BTAF1: variants seen among roughly 807,000 people sequenced by gnomAD.
BTAF1 encodes B-TFIID TATA-box binding protein associated factor 1.
Under a neutral mutation model 227.1 loss-of-function variants are expected in BTAF1, and 38 were observed. That is an observed-to-expected ratio of 0.17 (90% confidence interval 0.13 to 0.22). The LOEUF (loss-of-function observed/expected upper bound fraction) is 0.22, where lower values mean the gene tolerates loss of function less well. Among genes scored for constraint, BTAF1 ranks in the 10% least tolerant of loss-of-function variants. The pLI is 1.00. For missense variants in BTAF1, 1,598 were observed against 2,204.0 expected, an observed-to-expected ratio of 0.73 and a Z score of 5.51; for synonymous variants, 742 against 751.9, an observed-to-expected ratio of 0.99 and a Z score of 0.21.
At chr10:91,924,375 C>T (rs1843685372) in intron 1 of BTAF1, among the ~76,000 whole-genome samples, 1 of 152,156 alleles carries the variant, frequency 6.6e-6, no homozygotes, top group Non-Finnish European at 1.5e-5. Context: ...TTTCTCTTCC[C>T]TCTTTCGATT....
intron 25 of BTAF1, among the ~76,000 whole-genome samples, chr10:92,004,922 C>T (rs1261797127): frequency 6.6e-6 from 1 of 152,124 alleles, no homozygotes; most frequent in African/African-American, 2.4e-5. Context: ...GAGTTTTGAA[C>T]TTGGTGTAAG....
Position 91,981,656 on chromosome 10 carries a change from T to G in BTAF1, c.1769T>G (p.Leu590Arg). Residue 590 changes from leucine (L) to arginine (R), a missense_variant, in exon 16 of 38, where the codon CTG becomes CGG. This residue lies in a region of BTAF1 where 318 missense variants were observed against 435.0 expected (regional missense o/e 0.73). Transcript: ENST00000265990. The stretch of plus-strand genomic sequence containing the variant: ...TTTACCCTGCAGGTTTGGATGGAAC[T>G]GTTGAGTAAGGCTTCAGTTCAGTAT... ...LDLIHKVWMELLSKASVQYVV... is the reference protein window; with the variant it reads ...LDLIHKVWMERLSKASVQYVV... The G allele has an allele frequency of 6.2e-7, 1 of 1,608,852 alleles. No homozygotes were observed.
At chr10:91,961,368 T>C (rs888683020) in intron 11 of BTAF1, among the ~76,000 whole-genome samples, 1 of 152,334 alleles carries the variant, frequency 6.6e-6, no homozygotes, top group Non-Finnish European at 1.5e-5. Context: ...TCTCTTCCCA[T>C]GCTCACTGTA....
In BTAF1 at chr10:91,931,687, G is replaced by A. The variant is rs552269876; in HGVS notation, c.15-3970G>A. 1.1e-4 allele frequency among the ~76,000 whole-genome samples: 16 copies of A among 152,212 alleles called. No homozygotes were observed. In the East Asian group the frequency reaches 2.9e-3, roughly 28 times the overall value. On this transcript the variant is annotated intron_variant, in intron 1 of 37. Coordinates refer to ENST00000265990, the MANE Select transcript of BTAF1 (RefSeq NM_003972.3). The stretch of plus-strand genomic sequence containing the variant: ...TCTTCCCCACAAGTTCACTGTACCA[G>A]CCTTTTCCACCGTGGCCTGGCCCTG...
At chr10:91,956,397 G>A (rs1056971194) in intron 6 of BTAF1, 131 bp from the exon 7 acceptor site, 4 of 1,135,760 alleles carry the variant, frequency 3.5e-6, no homozygotes, top group Non-Finnish European at 4.8e-6. Context: ...GCAGAATATG[G>A]TGTAAAACAT....
chr10:92,024,737 T>TTTGTTTTTG lies in BTAF1; in HGVS notation c.4864-17_4864-16insGTTTTTGTT, dbSNP rs763269337. 5 of 1,570,510 alleles carry TTTGTTTTTG rather than the reference T, an allele frequency of 3.2e-6. No homozygotes were observed. Among genetic ancestry groups the TTTGTTTTTG allele is most frequent in the Admixed American group, 3.9e-5 (2 of 51,160 alleles). On this transcript the variant is annotated intron_variant, in intron 34 of 37. Coordinates refer to ENST00000265990, the MANE Select transcript of BTAF1 (RefSeq NM_003972.3). ...TTTTATTGAACGCTTATGTAGTTTT[T>TTTGTTTTTG]TTTTTTTTTCTTCCTAAGTTGCTGT...
intron 14 of BTAF1, among the ~76,000 whole-genome samples, chr10:91,969,645 A>G (rs756862753): frequency 1.3e-5 from 2 of 152,072 alleles, no homozygotes; most frequent in Non-Finnish European, 2.9e-5. Flanking sequence ...AATTTTTGCT[A>G]TAAATAAGAT....
chr10:91,961,149 A>G (rs78928911), intron 11 of BTAF1, among the ~76,000 whole-genome samples: 1,860 of 152,300 alleles, frequency 0.012, 17 homozygotes, highest in Non-Finnish European at 0.02. Context: ...GGGTCAGCAA[A>G]GAGTGAGTAT....
Position 91,943,877 on chromosome 10 carries a change from G to A in BTAF1, c.400+1309G>A, listed in dbSNP as rs187440980. Among the ~76,000 whole-genome samples, 515 of 152,240 alleles carry A rather than the reference G, an allele frequency of 3.4e-3. 4 individuals are homozygous for A. Among genetic ancestry groups the A allele is most frequent in the Middle Eastern group, 0.017 (5 of 292 alleles). ...ATTTCAAAGAAAAGCCTGGCTCAGC[G>A]TGGTGGGTCACACCTGTAATCCCAG... On this transcript the variant is annotated intron_variant, in intron 4 of 37. Coordinates refer to ENST00000265990, the MANE Select transcript of BTAF1 (RefSeq NM_003972.3).
At chr10:92,005,136 T>C (rs1849793579) in intron 25 of BTAF1, among the ~76,000 whole-genome samples, 1 of 152,210 alleles carries the variant, frequency 6.6e-6, no homozygotes, top group Non-Finnish European at 1.5e-5. Context: ...TTATTATACC[T>C]TTGTAGTATA....
Position 91,993,763 on chromosome 10 carries a change from G to T in BTAF1, c.3115G>T (p.Gly1039Cys), listed in dbSNP as rs780845029. The change falls in exon 22 of 38, where the codon GGT becomes TGT. Residue 1039 changes from glycine (G) to cysteine (C), a missense_variant. By Grantham distance (159) the Gly-to-Cys change is radical. Coordinates refer to ENST00000265990, the MANE Select transcript of BTAF1 (RefSeq NM_003972.3). ...FALTTIVKHF[G>C]GEMAVKLPHL... The stretch of plus-strand genomic sequence containing the variant: ...TTTGACAACTATAGTAAAGCATTTT[G>T]GTGGTGAAATGGCAGTGAAGTTGCC... 1 of 1,609,058 alleles carries T rather than the reference G, an allele frequency of 6.2e-7. No homozygotes were observed. The highest frequency in any genetic ancestry group is 1.7e-5 in the Admixed American group (1 of 59,942).
intron 25 of BTAF1, among the ~76,000 whole-genome samples, chr10:92,000,817 G>C (rs1490079116): frequency 2.6e-5 from 4 of 152,156 alleles, no homozygotes; most frequent in Non-Finnish European, 4.4e-5. Flanking sequence ...GCCTCTCAAA[G>C]TGCTGGGATT....
At chr10:92,001,718 C>CA (rs1461246731) in intron 25 of BTAF1, among the ~76,000 whole-genome samples, 1 of 151,806 alleles carries the variant, frequency 6.6e-6, no homozygotes, top group Non-Finnish European at 1.5e-5. Context: ...TGACATTCAC[C>CA]AAAAAATTAC....
intron 5 of BTAF1, 31 bp downstream of exon 5, chr10:91,951,597 A>G: frequency 6.4e-7 from 1 of 1,561,314 alleles, no homozygotes. Flanking sequence ...TTTGATTGCA[A>G]GTAATAATAC....
chr10:92,015,492 A>G (rs1262657617), intron 32 of BTAF1, among the ~76,000 whole-genome samples: 7 of 152,216 alleles, frequency 4.6e-5, no homozygotes, highest in Admixed American at 1.3e-4. Context: ...CTTCTGTACT[A>G]TCTGCCTCAT....
chr10:91,974,606 C>A (rs959348290), intron 14 of BTAF1, among the ~76,000 whole-genome samples: 4 of 152,174 alleles, frequency 2.6e-5, no homozygotes, highest in Admixed American at 2.0e-4. Flanking sequence ...AACCCCAGGA[C>A]TTTGGGAGGC....
At chr10:91,940,245 A>C (rs1332346087) in intron 3 of BTAF1, among the ~76,000 whole-genome samples, 179 bp downstream of exon 3, 2 of 152,052 alleles carry the variant, frequency 1.3e-5, no homozygotes, top group Non-Finnish European at 1.5e-5. Flanking sequence ...AAAAAAAAAA[A>C]CTACTGGATA....
intron 3 of BTAF1, among the ~76,000 whole-genome samples, 167 bp downstream of exon 3, chr10:91,940,233 T>TAA (rs201138613): frequency 3.5e-5 from 5 of 144,152 alleles, no homozygotes; most frequent in African/African-American, 1.0e-4. Context: ...TTCACCACAT[T>TAA]AAAAAAAAAA....
chr10:91,944,413 C>T (rs1476205294), intron 4 of BTAF1, among the ~76,000 whole-genome samples: 1 of 151,972 alleles, frequency 6.6e-6, no homozygotes, highest in Non-Finnish European at 1.5e-5. Context: ...GATTATTTCC[C>T]CCAATAGGGC....
Sources: allele counts gnomAD v4.1 joint callset (sites outside exome capture counted in the v4.1 genomes callset), GRCh38; gene constraint gnomAD v4.1.1; regional missense constraint gnomAD v4.1.1; transcripts MANE v1.5; gene names NCBI Gene and HGNC (gene_info 2026-07-23, HGNC 2026-07-21).